The following TDRD9 variants were observed in gnomAD, a reference collection of about 807,000 sequenced individuals.
The protein encoded by TDRD9 is tudor domain containing 9, also known as ATP-dependent RNA helicase TDRD9.
TDRD9 carries 124 observed loss-of-function variants against 172.6 expected under a neutral mutation model. The observed-to-expected ratio is 0.72, with a 90% CI of 0.62 to 0.83. TDRD9 has a LOEUF of 0.83. TDRD9 is among the 40% of genes least tolerant of loss of function. The pLI, the probability that TDRD9 is intolerant of heterozygous loss-of-function variation, is 0.00. For synonymous variants in TDRD9, 619 were observed against 617.1 expected (o/e 1.00, Z -0.05); for missense variants, 1,479 against 1,714.1 (o/e 0.86, Z 2.42).
At chr14:104,011,542 A>T (rs1480967515) in intron 20 of TDRD9, among the ~76,000 whole-genome samples, 3 of 152,274 alleles carry the variant, frequency 2.0e-5, no homozygotes, top group East Asian at 3.9e-4. Flanking sequence ...GATCAATTTT[A>T]AAAAAAATTT....
chr14:104,027,446 AGTT>A (rs2035157217), intron 28 of TDRD9, among the ~76,000 whole-genome samples: 1 of 152,230 alleles, frequency 6.6e-6, no homozygotes, highest in African/African-American at 2.4e-5. Context: ...TAATGGAAGT[AGTT>A]AATAAAATAT....
At chr14:104,043,751 ACT>A (rs2035678950) in intron 34 of TDRD9, among the ~76,000 whole-genome samples, 1 of 152,088 alleles carries the variant, frequency 6.6e-6, no homozygotes, top group Non-Finnish European at 1.5e-5. Context: ...CAATTCAATA[ACT>A]CTAGTGAATT....
At chr14:104,048,461 C>T (rs1053022410) in intron 34 of TDRD9, among the ~76,000 whole-genome samples, 1 of 152,038 alleles carries the variant, frequency 6.6e-6, no homozygotes, top group Non-Finnish European at 1.5e-5. Context: ...AGGTGTTGTC[C>T]TTGTATCTGA....
At chr14:103,964,983 G>T (rs557359955) in intron 3 of TDRD9, among the ~76,000 whole-genome samples, 9 of 152,016 alleles carry the variant, frequency 5.9e-5, no homozygotes, top group Non-Finnish European at 1.0e-4. Context: ...TGAGGCAGGC[G>T]GATCACTTGA....
intron 1 of TDRD9, among the ~76,000 whole-genome samples, chr14:103,953,943 C>A (rs1342477123): frequency 6.6e-6 from 1 of 152,136 alleles, no homozygotes; most frequent in Non-Finnish European, 1.5e-5. Context: ...CCTGACACAG[C>A]CAGAAAAAAT....
rs780533314 is a variant in TDRD9 at position 104,040,332 on chromosome 14, G to A, written c.3853G>A (p.Glu1285Lys). ...TCAATTCAGCGTGGAGGATGTCGTC[G>A]AGGTAAGGGTAGTGCAGCATCACGG... is the stretch of plus-strand genomic sequence containing the variant. Reference protein sequence around the residue: ...DVQFSVEDVVEVNILRAAINK... With the variant: ...DVQFSVEDVVKVNILRAAINK... The change falls in exon 33 of 36, where the codon GAG becomes AAG. Residue 1285 changes from glutamate (E) to lysine (K), a missense_variant and splice_region_variant. Around this residue, in one of 3 missense-constraint regions of TDRD9, gnomAD observed 1,413 missense variants for 1,649.1 expected, o/e 0.86. Transcript: ENST00000409874. 19 of 1,548,902 alleles carry A rather than the reference G, an allele frequency of 1.2e-5. No homozygotes were observed. The highest frequency in any genetic ancestry group is 1.7e-4 in the Middle Eastern group (1 of 6,006).
intron 1 of TDRD9, among the ~76,000 whole-genome samples, chr14:103,951,750 ATTTCTTTTTT>A (rs1175559794): frequency 6.6e-6 from 1 of 152,076 alleles, no homozygotes; most frequent in African/African-American, 2.4e-5. Context: ...AAACTGAAAT[ATTTCTTTTTT>A]TTTCTTTTTT....
intron 1 of TDRD9, among the ~76,000 whole-genome samples, chr14:103,936,376 G>A (rs1181292412): frequency 1.3e-5 from 2 of 152,204 alleles, no homozygotes; most frequent in Admixed American, 1.3e-4. Flanking sequence ...ATGGGCATGA[G>A]CCACCATGCT....
In TDRD9 at chr14:104,052,005, C is replaced by T; in HGVS notation, c.4072C>T (p.Gln1358Ter). Residue 1358 changes from glutamine (Q) to a stop codon, truncating the protein, a stop_gained, in exon 36 of 36, where the codon CAG becomes TAG. Transcript: ENST00000409874. LOFTEE classifies it high-confidence loss of function. ...NQVDPKLVME[Q>*]ADRESSRGKN... Reference sequence around the variant, plus strand: ...GGTTGATCCAAAGCTGGTCATGGAGCAGGCCGACCGTGAGAGCAGCAGAGG... The same window carrying T: ...GGTTGATCCAAAGCTGGTCATGGAGTAGGCCGACCGTGAGAGCAGCAGAGG... 6.3e-7 allele frequency: 1 copy of T among 1,596,208 alleles called. No homozygotes were observed. Among genetic ancestry groups the T allele is most frequent in the African/African-American group, 1.3e-5 (1 of 74,726 alleles).
At chr14:103,941,524 C>G in intron 1 of TDRD9, 1 of 1,535,296 alleles carries the variant, frequency 6.5e-7, no homozygotes, top group South Asian at 1.2e-5. Flanking sequence ...TAATCCACAC[C>G]TGTTTTTTTC....
chr14:103,952,779 C>G (rs1426392190), intron 1 of TDRD9, among the ~76,000 whole-genome samples: 1 of 131,566 alleles, frequency 7.6e-6, no homozygotes, highest in Non-Finnish European at 1.6e-5. Flanking sequence ...CACTCTGTCG[C>G]CCAGGCTGGA....
chr14:104,038,810 C>G (rs1203197267), intron 32 of TDRD9, among the ~76,000 whole-genome samples: 2 of 152,148 alleles, frequency 1.3e-5, no homozygotes, highest in African/African-American at 4.8e-5. Context: ...GCTGAGATTA[C>G]AGGTGTGCAC....
chr14:103,988,513 G>T (rs920767871), intron 8 of TDRD9, among the ~76,000 whole-genome samples: 2 of 151,952 alleles, frequency 1.3e-5, no homozygotes, highest in Non-Finnish European at 2.9e-5. Context: ...TTTTGATTGG[G>T]CTGTTTAATC....
chr14:104,000,670 A>G (rs978227182), intron 13 of TDRD9, among the ~76,000 whole-genome samples: 3 of 152,126 alleles, frequency 2.0e-5, no homozygotes, highest in Admixed American at 1.3e-4. Context: ...CTGTAATCCC[A>G]ACTACTTGGG....
At position 104,052,157 on chromosome 14, in the gene TDRD9, T is replaced by C. The variant is rs763317178; in HGVS notation, c.*75T>C. ...TGGATTCCAGGCTCCCTCCGCAGAC[T>C]GACTTTCCTCTGTGTCTGGGTGTTA... On this transcript the variant is annotated 3_prime_UTR_variant, in exon 36 of 36. Transcript: ENST00000409874. The C allele has an allele frequency of 1.2e-5, 13 of 1,040,142 alleles. No homozygotes were observed. The highest frequency in any genetic ancestry group is 1.7e-5 in the Non-Finnish European group (12 of 693,620). The allele number at this position is 1,040,142 out of a possible 1,614,324, so 64.4% of individuals were successfully genotyped here.
intron 32 of TDRD9, among the ~76,000 whole-genome samples, chr14:104,035,808 G>A (rs1370372666): frequency 1.3e-5 from 2 of 152,092 alleles, no homozygotes; most frequent in East Asian, 1.9e-4. Context: ...AGAGTCGGGG[G>A]CATGGAAAGT....
intron 24 of TDRD9, among the ~76,000 whole-genome samples, chr14:104,023,489 CAG>C (rs1411754593): frequency 6.6e-6 from 1 of 152,200 alleles, no homozygotes; most frequent in East Asian, 1.9e-4. Context: ...CCCTCCCGCC[CAG>C]AGAGTGGTAC....
At chr14:103,931,456 CA>C (rs1468633371) in intron 1 of TDRD9, among the ~76,000 whole-genome samples, 14 of 152,264 alleles carry the variant, frequency 9.2e-5, no homozygotes, top group African/African-American at 2.6e-4. Context: ...GCTCTAGGTG[CA>C]TATGTATTCA....
At chr14:103,983,925 A>G (rs1023703764) in intron 7 of TDRD9, among the ~76,000 whole-genome samples, 3 of 152,306 alleles carry the variant, frequency 2.0e-5, no homozygotes, top group East Asian at 1.9e-4. Context: ...GTGGTTTCAG[A>G]TGGAGATGAG....
Sources: allele counts gnomAD v4.1 joint callset (sites outside exome capture counted in the v4.1 genomes callset), GRCh38; gene constraint gnomAD v4.1.1; regional missense constraint gnomAD v4.1.1; transcripts MANE v1.5; gene names NCBI Gene and HGNC (gene_info 2026-07-23, HGNC 2026-07-21).